Variants in PTPRT observed in about 807,000 individuals in gnomAD.
PTPRT encodes protein tyrosine phosphatase receptor type T.
Under a neutral mutation model 176.8 loss-of-function variants are expected in PTPRT, and 56 were observed. That is an observed-to-expected ratio of 0.32 (90% CI 0.26 to 0.40). PTPRT has a LOEUF of 0.40. PTPRT is among the 10% of genes least tolerant of loss of function. The pLI is 1.00. For missense variants in PTPRT, 1,540 were observed against 1,908.2 expected, an observed-to-expected ratio of 0.81 and a Z score of 3.60; for synonymous variants, 783 against 739.0, an observed-to-expected ratio of 1.06 and a Z score of -0.96.
intron 1 of PTPRT, among the ~76,000 whole-genome samples, chr20:43,156,677 G>A (rs990671961): frequency 1.3e-5 from 2 of 152,188 alleles, no homozygotes; most frequent in African/African-American, 4.8e-5. Flanking sequence ...TGACTTGGAT[G>A]GAGGAGGGAG....
At chr20:42,227,226 G>A (rs1255723118) in intron 15 of PTPRT, among the ~76,000 whole-genome samples, 1 of 151,878 alleles carries the variant, frequency 6.6e-6, no homozygotes, top group African/African-American at 2.4e-5. Flanking sequence ...GAAAGGGAAG[G>A]GAAAAAGAAA....
chr20:43,135,581 T>C (rs1254745041), intron 1 of PTPRT, among the ~76,000 whole-genome samples: 1 of 152,174 alleles, frequency 6.6e-6, no homozygotes, highest in African/African-American at 2.4e-5. Context: ...TCCTATTCAA[T>C]GTAGACAAAC....
chr20:42,708,505 C>T, intron 6 of PTPRT, among the ~76,000 whole-genome samples: 1 of 152,152 alleles, frequency 6.6e-6, no homozygotes, highest in Non-Finnish European at 1.5e-5. Context: ...CTCCTTGTGG[C>T]CATTCTCCTC....
intron 2 of PTPRT, among the ~76,000 whole-genome samples, chr20:42,849,686 T>G (rs1243633867): frequency 6.6e-6 from 1 of 152,184 alleles, no homozygotes; most frequent in Non-Finnish European, 1.5e-5. Flanking sequence ...CCATGAACCT[T>G]GTTTTCCTCC....
chr20:42,395,998 C>T (rs1301603949), intron 9 of PTPRT, among the ~76,000 whole-genome samples: 1 of 152,112 alleles, frequency 6.6e-6, no homozygotes, highest in Non-Finnish European at 1.5e-5. Context: ...AGGCTGACTC[C>T]CCTGCTAACA....
At chr20:42,853,193 A>T (rs2078505611) in intron 2 of PTPRT, among the ~76,000 whole-genome samples, 1 of 152,176 alleles carries the variant, frequency 6.6e-6, no homozygotes. Context: ...TCACCATCTT[A>T]ATCAAGAAAA....
At chr20:42,916,088 A>G (rs1204865854) in intron 1 of PTPRT, among the ~76,000 whole-genome samples, 3 of 151,798 alleles carry the variant, frequency 2.0e-5, no homozygotes, top group South Asian at 2.1e-4. Context: ...AGCATTAGGT[A>G]TATCTTTTAA....
chr20:42,581,841 G>A (rs1938093493), intron 7 of PTPRT, among the ~76,000 whole-genome samples: 1 of 152,220 alleles, frequency 6.6e-6, no homozygotes, highest in Admixed American at 6.5e-5. Flanking sequence ...GCTGCAAGAT[G>A]CAGTGGAATT....
rs948259593 is a variant in PTPRT at position 42,072,935 on chromosome 20, CATT to C, written c.*7941_*7943del. The C allele has an allele frequency of 1.8e-5, 4 of 222,086 alleles. No individual in the cohort carries two copies. The highest frequency in any genetic ancestry group is 9.0e-5 in the African/African-American group (4 of 44,620). The allele number at this position is 222,086 out of a possible 1,614,324, so 13.8% of individuals were successfully genotyped here. A position where few individuals can be genotyped will look rare whatever the true frequency, so the allele number is the denominator to read the frequency against. ...ATATATCTGATATTCATTGACCTGA[CATT>C]ATTTACCTTCTGCTTTTCTGAGCTA... is the stretch of plus-strand genomic sequence containing the variant. On this transcript the variant is annotated 3_prime_UTR_variant, in exon 31 of 31. Transcript: ENST00000373187.
chr20:42,704,809 G>A (rs2076026806), intron 6 of PTPRT, among the ~76,000 whole-genome samples: 1 of 152,172 alleles, frequency 6.6e-6, no homozygotes, highest in Non-Finnish European at 1.5e-5. Context: ...ACAGAATAGA[G>A]GCTCCAGGTA....
intron 23 of PTPRT, among the ~76,000 whole-genome samples, chr20:42,107,804 G>T (rs1986608546): frequency 6.6e-6 from 1 of 152,238 alleles, no homozygotes; most frequent in Non-Finnish European, 1.5e-5. Context: ...AAGAGGAAGA[G>T]AGATGGAACA....
chr20:42,101,961 G>A (rs1252202616), intron 26 of PTPRT, among the ~76,000 whole-genome samples, 163 bp downstream of exon 26: 1 of 152,186 alleles, frequency 6.6e-6, no homozygotes, highest in Non-Finnish European at 1.5e-5. Context: ...GTCTAGGTTT[G>A]GACCAGAGCC....
chr20:43,123,640 T>G (rs1042713707), intron 1 of PTPRT, among the ~76,000 whole-genome samples: 1 of 152,220 alleles, frequency 6.6e-6, no homozygotes, highest in African/African-American at 2.4e-5. Flanking sequence ...CAAGACCAGC[T>G]GCATTGCCTC....
intron 7 of PTPRT, among the ~76,000 whole-genome samples, chr20:42,617,539 G>A (rs1600480220): frequency 7.4e-6 from 1 of 135,960 alleles, no homozygotes; most frequent in East Asian, 2.0e-4. Context: ...TGTACCTCTG[G>A]TAGAATTCAG....
At chr20:42,270,453 G>T (rs1236629233) in intron 13 of PTPRT, 9 of 1,549,940 alleles carry the variant, frequency 5.8e-6, no homozygotes, top group Non-Finnish European at 7.9e-6. Context: ...GCCCATTGGT[G>T]CTGACCACAA....
the PTPRT span, among the ~76,000 whole-genome samples, chr20:42,048,637 C>G: frequency 6.6e-6 from 1 of 152,118 alleles, no homozygotes; most frequent in Non-Finnish European, 1.5e-5. Context: ...GACATGTGAG[C>G]AAGAATGCCT....
chr20:42,822,182 T>C lies in PTPRT; in HGVS notation c.215-30716A>G, dbSNP rs139610867. 3.6e-3 allele frequency among the ~76,000 whole-genome samples: 547 copies of C among 152,298 alleles called. 1 individual carries two copies. Among genetic ancestry groups the C allele is most frequent in the Admixed American group, 8.7e-3 (133 of 15,298 alleles). ...CAAGGATACAGCAACCAAAACAGCA[T>C]GGTACCTGTACCAAAACAGATATAC... is the stretch of plus-strand genomic sequence containing the variant. On this transcript the variant is annotated intron_variant, in intron 2 of 30. Coordinates refer to ENST00000373187, the MANE Select transcript of PTPRT (RefSeq NM_007050.6).
chr20:42,819,027 A>G (rs1489494826), intron 2 of PTPRT, among the ~76,000 whole-genome samples: 2 of 152,208 alleles, frequency 1.3e-5, no homozygotes, highest in African/African-American at 4.8e-5. Flanking sequence ...GCAGGCCAAC[A>G]TACAAATTCA....
chr20:42,782,454 C>T (rs564208057), intron 3 of PTPRT, among the ~76,000 whole-genome samples: 1 of 152,294 alleles, frequency 6.6e-6, no homozygotes, highest in African/African-American at 2.4e-5. Flanking sequence ...GATTCCTCCT[C>T]AAACCTTTTC....
Sources: gnomAD v4.1 joint callset for allele counts (sites outside exome capture counted in the v4.1 genomes callset) on GRCh38, gnomAD v4.1.1 for gene constraint, MANE v1.5 for transcripts, NCBI Gene and HGNC (gene_info 2026-07-23, HGNC 2026-07-21) for gene names.